Variants in AGBL4 observed in about 807,000 individuals in gnomAD.
AGBL4 encodes AGBL carboxypeptidase 4.
AGBL4 carries 58 observed loss-of-function variants against 66.4 expected under a neutral mutation model. The ratio of observed to expected loss-of-function variants is 0.87; its 90% CI spans 0.71 to 1.09. The LOEUF (loss-of-function observed/expected upper bound fraction) is 1.09, where lower values mean the gene tolerates loss of function less well. AGBL4 is among the 50% of genes least tolerant of loss of function. AGBL4 has a pLI of 0.00. For missense variants in AGBL4, 579 were observed against 631.0 expected, an observed-to-expected ratio of 0.92 and a Z score of 0.88; for synonymous variants, 234 against 222.9, an observed-to-expected ratio of 1.05 and a Z score of -0.44.
chr1:49,968,421 A>C (rs1252396572), intron 1 of AGBL4, among the ~76,000 whole-genome samples: 2 of 152,186 alleles, frequency 1.3e-5, no homozygotes, highest in African/African-American at 4.8e-5. Flanking sequence ...ATACAGAGTG[A>C]AAGCCAATTC....
intron 6 of AGBL4, among the ~76,000 whole-genome samples, chr1:48,702,784 G>A (rs1293683270): frequency 6.6e-6 from 1 of 152,076 alleles, no homozygotes; most frequent in East Asian, 1.9e-4. Flanking sequence ...TACTATTCTG[G>A]GCAAGGAGGA....
At chr1:49,790,414 A>G (rs770029350) in intron 2 of AGBL4, among the ~76,000 whole-genome samples, 3 of 151,978 alleles carry the variant, frequency 2.0e-5, no homozygotes, top group Admixed American at 1.3e-4. Context: ...AAGGCAAGAT[A>G]AATACCAAAA....
the AGBL4 span, among the ~76,000 whole-genome samples, chr1:48,527,495 G>C: frequency 1.3e-5 from 2 of 151,826 alleles, no homozygotes; most frequent in Non-Finnish European, 2.9e-5. Context: ...TACTCAGGAC[G>C]CTGAGGCAGG....
At chr1:49,334,341 C>A (rs1645393135) in intron 3 of AGBL4, among the ~76,000 whole-genome samples, 1 of 152,106 alleles carries the variant, frequency 6.6e-6, no homozygotes, top group Non-Finnish European at 1.5e-5. Context: ...TTTTCTGAAA[C>A]TAAAAATTTG....
intron 3 of AGBL4, among the ~76,000 whole-genome samples, chr1:49,555,600 G>A (rs555019453): frequency 6.6e-6 from 1 of 150,984 alleles, no homozygotes; most frequent in East Asian, 2.0e-4. Context: ...AGCTAATCTA[G>A]TGGGGACTTG....
chr1:49,376,064 T>A (rs567269445), intron 3 of AGBL4, among the ~76,000 whole-genome samples: 1 of 152,264 alleles, frequency 6.6e-6, no homozygotes, highest in East Asian at 1.9e-4. Flanking sequence ...ATTAAGAGTC[T>A]CAGCATGGCA....
At chr1:49,185,766 C>T (rs1011340402) in intron 4 of AGBL4, among the ~76,000 whole-genome samples, 4 of 152,236 alleles carry the variant, frequency 2.6e-5, no homozygotes, top group African/African-American at 2.4e-5. Context: ...TCCCCGCCCT[C>T]GCATCTCTTT....
intron 3 of AGBL4, among the ~76,000 whole-genome samples, chr1:49,298,949 G>C (rs1644693773): frequency 6.6e-6 from 1 of 151,850 alleles, no homozygotes; most frequent in Admixed American, 6.6e-5. Context: ...TTCTTCTTTT[G>C]CCCACACCCT....
intron 3 of AGBL4, among the ~76,000 whole-genome samples, chr1:49,262,261 A>T (rs1477509450): frequency 1.3e-5 from 2 of 152,218 alleles, no homozygotes; most frequent in African/African-American, 2.4e-5. Flanking sequence ...CAAGGACTTC[A>T]TGTCTAAAAC....
intron 1 of AGBL4, among the ~76,000 whole-genome samples, chr1:49,888,073 A>G (rs1169479007): frequency 1.3e-5 from 2 of 152,180 alleles, no homozygotes; most frequent in Admixed American, 1.3e-4. Context: ...CATAGATGTC[A>G]GACTCCAGAT....
intron 3 of AGBL4, among the ~76,000 whole-genome samples, chr1:49,544,615 T>C (rs987456864): frequency 4.6e-5 from 7 of 152,194 alleles, no homozygotes; most frequent in Admixed American, 2.0e-4. Flanking sequence ...TCTGCTACCA[T>C]TTTAAGGTAC....
chr1:49,773,473 C>T (rs1644116948), intron 2 of AGBL4, among the ~76,000 whole-genome samples: 1 of 152,144 alleles, frequency 6.6e-6, no homozygotes, highest in Admixed American at 6.5e-5. Flanking sequence ...AGGGTGTCAA[C>T]CGGAAACACT....
intron 1 of AGBL4, among the ~76,000 whole-genome samples, chr1:49,920,305 C>A (rs1325575271): frequency 6.6e-6 from 1 of 152,240 alleles, no homozygotes; most frequent in African/African-American, 2.4e-5. Flanking sequence ...AACAGGCCAC[C>A]TACAGAATGG....
chr1:49,985,383 T>C (rs1659415520), intron 1 of AGBL4, among the ~76,000 whole-genome samples: 1 of 152,052 alleles, frequency 6.6e-6, no homozygotes, highest in South Asian at 2.1e-4. Flanking sequence ...GAGAAACATA[T>C]TTAGAAGGTA....
intron 2 of AGBL4, among the ~76,000 whole-genome samples, chr1:49,733,678 G>A (rs79468476): frequency 1.1e-4 from 16 of 152,056 alleles, no homozygotes; most frequent in African/African-American, 3.9e-4. Context: ...GAGGTGTTTA[G>A]GTCATGAGGA....
intron 4 of AGBL4, among the ~76,000 whole-genome samples, chr1:49,206,728 A>G (rs1301583395): frequency 6.6e-6 from 1 of 152,116 alleles, no homozygotes; most frequent in Non-Finnish European, 1.5e-5. Flanking sequence ...GTATCAGCAT[A>G]GAGATGAGTC....
chr1:49,483,664 A>T (rs1362475077), intron 3 of AGBL4, among the ~76,000 whole-genome samples: 1 of 152,014 alleles, frequency 6.6e-6, no homozygotes, highest in Non-Finnish European at 1.5e-5. Context: ...ACATTGAGGA[A>T]CCTCTCCAGG....
chr1:49,499,525 C>T lies in AGBL4; in HGVS notation c.282+197788G>A, dbSNP rs151290134. ...TTATCACTCACCCCCTTCCAGCCTC[C>T]CCCCAAGTCCCCAGAGTCCATTACA... On this transcript the variant is annotated intron_variant, in intron 3 of 13. Coordinates refer to ENST00000371839, the MANE Select transcript of AGBL4 (RefSeq NM_032785.4). Among the ~76,000 whole-genome samples, 246 of 151,756 alleles carry T rather than the reference C, an allele frequency of 1.6e-3. 3 individuals are homozygous for T. Among genetic ancestry groups the T allele is most frequent in the Middle Eastern group, 6.8e-3 (2 of 294 alleles).
At chr1:49,948,273 TATAA>T (rs1170177739) in intron 1 of AGBL4, among the ~76,000 whole-genome samples, 1 of 103,232 alleles carries the variant, frequency 9.7e-6, no homozygotes, top group Non-Finnish European at 1.7e-5. Flanking sequence ...AATAAATACA[TATAA>T]ATATATATAA....
Sources: gnomAD v4.1 joint callset for allele counts (sites outside exome capture counted in the v4.1 genomes callset) on GRCh38, gnomAD v4.1.1 for gene constraint, MANE v1.5 for transcripts, NCBI Gene and HGNC (gene_info 2026-07-23, HGNC 2026-07-21) for gene names.